The following IGF1 variants were observed in gnomAD, a reference collection of about 807,000 sequenced individuals.
The protein encoded by IGF1 is insulin-like growth factor 1.
IGF1 carries 4 observed loss-of-function variants against 13.8 expected under a neutral mutation model. The ratio of observed to expected loss-of-function variants is 0.29; its 90% CI spans 0.14 to 0.66. The LOEUF is 0.66. Among genes scored for constraint, IGF1 ranks in the 30% least tolerant of loss-of-function variants. The pLI, the probability that IGF1 is intolerant of heterozygous loss-of-function variation, is 0.78. For missense variants in IGF1, 124 were observed against 188.5 expected, an observed-to-expected ratio of 0.66 and a Z score of 2.00; for synonymous variants, 76 against 72.6, an observed-to-expected ratio of 1.05 and a Z score of -0.23.
intron 2 of IGF1, among the ~76,000 whole-genome samples, chr12:102,424,002 C>A (rs1292579261): frequency 6.6e-6 from 1 of 152,116 alleles, no homozygotes; most frequent in African/African-American, 2.4e-5. Context: ...CTTTAATTTC[C>A]TTTGAAACTT....
chr12:102,419,545 A>G lies in IGF1; in HGVS notation c.366T>C (p.Arg122=). 6.2e-7 allele frequency: 1 copy of G among 1,613,822 alleles called. No homozygotes were observed. Residue 122 remains arginine, a synonymous_variant, in exon 3 of 4, where the codon CGT becomes CGC. Coordinates refer to ENST00000337514, the MANE Select transcript of IGF1 (RefSeq NM_000618.5). ...LKPAKSARSV[R]AQRHTDMPKT... Reference sequence around the variant, plus strand: ...TGGGCATGTCGGTGTGGCGCTGGGCACGGACAGAGCGAGCTGACTTGGCAG... The same window carrying G: ...TGGGCATGTCGGTGTGGCGCTGGGCGCGGACAGAGCGAGCTGACTTGGCAG...
chr12:102,471,947 T>C (rs1880712867), intron 2 of IGF1, among the ~76,000 whole-genome samples: 1 of 152,176 alleles, frequency 6.6e-6, no homozygotes, highest in Admixed American at 6.5e-5. Context: ...TAAGCTTCAC[T>C]TCTCCTATTT....
At chr12:102,430,849 C>A (rs1454105902) in intron 2 of IGF1, among the ~76,000 whole-genome samples, 3 of 152,194 alleles carry the variant, frequency 2.0e-5, no homozygotes, top group Non-Finnish European at 4.4e-5. Context: ...GCAGTCATTT[C>A]CCTCAGTTGG....
intron 3 of IGF1, among the ~76,000 whole-genome samples, chr12:102,409,175 C>T (rs1001299572): frequency 6.6e-6 from 1 of 152,094 alleles, no homozygotes; most frequent in Non-Finnish European, 1.5e-5. Flanking sequence ...ACCTGGCATG[C>T]GGTATAGTTG....
chr12:102,447,543 C>T (rs1040385089), intron 2 of IGF1, among the ~76,000 whole-genome samples: 2 of 152,034 alleles, frequency 1.3e-5, no homozygotes, highest in African/African-American at 4.8e-5. Context: ...GGATTGCAAC[C>T]TCTTCTTGTT....
At chr12:102,441,998 G>A (rs537083225) in intron 2 of IGF1, among the ~76,000 whole-genome samples, 1 of 133,824 alleles carries the variant, frequency 7.5e-6, no homozygotes, top group African/African-American at 2.8e-5. Context: ...TGCCCAGGCT[G>A]GAGTGCAGTG....
chr12:102,466,165 A>G (rs1186426620), intron 2 of IGF1, among the ~76,000 whole-genome samples: 1 of 152,152 alleles, frequency 6.6e-6, no homozygotes, highest in Non-Finnish European at 1.5e-5. Context: ...TATAGGAAGA[A>G]CTTTTATTTT....
intron 2 of IGF1, among the ~76,000 whole-genome samples, chr12:102,470,454 C>T (rs1226419665): frequency 6.6e-6 from 1 of 152,216 alleles, no homozygotes; most frequent in Non-Finnish European, 1.5e-5. Context: ...GTTGCAGAAA[C>T]TGGTCCTTTA....
At chr12:102,424,373 C>A (rs962210567) in intron 2 of IGF1, among the ~76,000 whole-genome samples, 1 of 151,552 alleles carries the variant, frequency 6.6e-6, no homozygotes, top group African/African-American at 2.4e-5. Context: ...TAAAAATGAA[C>A]CTGCATTTCA....
intron 2 of IGF1, among the ~76,000 whole-genome samples, chr12:102,439,316 T>G (rs1408420516): frequency 6.6e-6 from 1 of 152,224 alleles, no homozygotes; most frequent in Non-Finnish European, 1.5e-5. Context: ...TTGAGTTTCC[T>G]TCCTCAATGA....
At chr12:102,409,127 G>A (rs1173692854) in intron 3 of IGF1, among the ~76,000 whole-genome samples, 3 of 152,200 alleles carry the variant, frequency 2.0e-5, no homozygotes, top group African/African-American at 4.8e-5. Flanking sequence ...CTACATCACA[G>A]TGGTGTTATA....
At position 102,399,141 on chromosome 12, in the gene IGF1, G is replaced by GTC. The variant is rs1873475712; in HGVS notation, c.*3365_*3366insGA. On this transcript the variant is annotated 3_prime_UTR_variant, in exon 4 of 4. Transcript: ENST00000337514. ...TGTGTGTGTGTGTGTGTGTGTGTGT[G>GTC]TGTGTCTGTGTATGTAGGGTGGGTG... The GTC allele has an allele frequency of 6.6e-6, 1 of 152,532 alleles. No individual in the cohort carries two copies. The highest frequency in any genetic ancestry group is 1.5e-5 in the Non-Finnish European group (1 of 68,280). The allele number at this position is 152,532 out of a possible 1,614,324, so 9.4% of individuals were successfully genotyped here.
chr12:102,462,384 C>G (rs1224961086), intron 2 of IGF1, among the ~76,000 whole-genome samples: 1 of 152,164 alleles, frequency 6.6e-6, no homozygotes, highest in African/African-American at 2.4e-5. Flanking sequence ...CAATCATCCA[C>G]TGAATGACTT....
chr12:102,417,576 T>C, intron 3 of IGF1: 3 of 1,222,252 alleles, frequency 2.5e-6, no homozygotes, highest in Admixed American at 4.4e-5. Flanking sequence ...TTTTTATTTT[T>C]TTTTTTCATT....
chr12:102,448,690 A>T (rs1485168540), intron 2 of IGF1, among the ~76,000 whole-genome samples: 4 of 1,956 alleles, frequency 2.0e-3, no homozygotes, highest in African/African-American at 5.4e-3. Flanking sequence ...AGAGTATAAT[A>T]AAAAAAAAAA....
intron 3 of IGF1, among the ~76,000 whole-genome samples, chr12:102,407,073 G>A (rs191734403): frequency 8.4e-4 from 90 of 107,252 alleles, no homozygotes; most frequent in African/African-American, 3.1e-3. Flanking sequence ...CAGCCTTGGC[G>A]ACAGAGTAAA....
At chr12:102,434,293 T>C (rs1165988559) in intron 2 of IGF1, among the ~76,000 whole-genome samples, 2 of 94,132 alleles carry the variant, frequency 2.1e-5, no homozygotes, top group Admixed American at 1.2e-4. Flanking sequence ...ATGCTATCCC[T>C]CCCCCCTCCC....
chr12:102,459,468 G>A (rs1465213486), intron 2 of IGF1, among the ~76,000 whole-genome samples: 1 of 151,998 alleles, frequency 6.6e-6, no homozygotes, highest in African/African-American at 2.4e-5. Context: ...GATGGGACTG[G>A]AAGGATCTTC....
chr12:102,408,498 T>G (rs980025704), intron 3 of IGF1, among the ~76,000 whole-genome samples: 1 of 152,306 alleles, frequency 6.6e-6, no homozygotes, highest in Non-Finnish European at 1.5e-5. Context: ...TGTGGCTGCT[T>G]CTTTAACAGA....
Sources: allele counts gnomAD v4.1 joint callset (sites outside exome capture counted in the v4.1 genomes callset), GRCh38; gene constraint gnomAD v4.1.1; transcripts MANE v1.5; gene names NCBI Gene and HGNC (gene_info 2026-07-23, HGNC 2026-07-21).